LINGO2: variants seen among roughly 807,000 people sequenced by gnomAD.
LINGO2 encodes the protein leucine-rich repeat and immunoglobulin-like domain-containing nogo receptor-interacting protein 2.
In LINGO2, 14 loss-of-function variants were observed where a neutral mutation model predicts 30.6. That is an observed-to-expected ratio of 0.46 (90% CI 0.30 to 0.72). The LOEUF (loss-of-function observed/expected upper bound fraction) is 0.72, where lower values mean the gene tolerates loss of function less well. LINGO2 is among the 30% of genes least tolerant of loss of function. The probability of loss-of-function intolerance (pLI) is 0.07; values close to 1 mark genes in which losing one functional copy is unlikely to be tolerated. For synonymous variants in LINGO2, 317 were observed against 288.5 expected (o/e 1.10, Z -1.00); for missense variants, 729 against 751.7 (o/e 0.97, Z 0.35).
intron 4 of LINGO2, among the ~76,000 whole-genome samples, chr9:28,273,392 G>A (rs1289823696): frequency 6.6e-6 from 1 of 152,136 alleles, no homozygotes; most frequent in Non-Finnish European, 1.5e-5. Context: ...AAAATTTACT[G>A]ATACTTCAAA....
At chr9:28,758,105 T>G in the LINGO2 span, among the ~76,000 whole-genome samples, 1 of 152,034 alleles carries the variant, frequency 6.6e-6, no homozygotes, top group East Asian at 1.9e-4. Context: ...AGGAAAGGAC[T>G]GTTGTATAGT....
chr9:28,540,279 T>C (rs1306287644), intron 1 of LINGO2, among the ~76,000 whole-genome samples: 1 of 142,404 alleles, frequency 7.0e-6, no homozygotes, highest in African/African-American at 2.7e-5. Flanking sequence ...TCTCTCTCCC[T>C]CTCTCTCTCT....
chr9:28,901,526 T>TA, the LINGO2 span, among the ~76,000 whole-genome samples: 1 of 151,702 alleles, frequency 6.6e-6, no homozygotes, highest in Non-Finnish European at 1.5e-5. Flanking sequence ...GGATACAAAT[T>TA]AAAAAAAGAT....
At chr9:28,082,469 T>A (rs1192053832) in intron 4 of LINGO2, among the ~76,000 whole-genome samples, 1 of 152,208 alleles carries the variant, frequency 6.6e-6, no homozygotes, top group African/African-American at 2.4e-5. Context: ...ATACAATTTT[T>A]TTTTCATTTT....
the LINGO2 span, among the ~76,000 whole-genome samples, chr9:29,062,472 G>A: frequency 6.6e-6 from 1 of 152,182 alleles, no homozygotes; most frequent in Admixed American, 6.5e-5. Flanking sequence ...TAAACAAAAT[G>A]TGGTATACAT....
the LINGO2 span, among the ~76,000 whole-genome samples, chr9:29,139,028 C>T: frequency 1.3e-5 from 2 of 152,170 alleles, no homozygotes; most frequent in Non-Finnish European, 1.5e-5. Flanking sequence ...TGCTTGCACA[C>T]TCTTTTGCTC....
At position 28,492,598 on chromosome 9, in the gene LINGO2, T is replaced by A. The variant is rs554993899; in HGVS notation, c.-364-16573A>T. On this transcript the variant is annotated intron_variant, in intron 1 of 5. Coordinates refer to ENST00000379992, the Ensembl canonical transcript of LINGO2. Reference sequence around the variant, plus strand: ...AAATCATTCTGGGTCTTTTCCAAAGTTCTACTAAACTCCTGAAATACTAAC... The same window carrying A: ...AAATCATTCTGGGTCTTTTCCAAAGATCTACTAAACTCCTGAAATACTAAC... Among the ~76,000 whole-genome samples the A allele has an allele frequency of 6.2e-4, 94 of 152,234 alleles. 1 individual carries two copies. In the South Asian group the frequency reaches 0.02, roughly 32 times the overall value.
the LINGO2 span, among the ~76,000 whole-genome samples, chr9:28,678,520 A>G: frequency 1.3e-5 from 2 of 152,134 alleles, no homozygotes; most frequent in African/African-American, 2.4e-5. Flanking sequence ...AGACTTACTG[A>G]GTTTAAATCT....
chr9:29,132,204 G>A, the LINGO2 span, among the ~76,000 whole-genome samples: 5 of 151,950 alleles, frequency 3.3e-5, no homozygotes, highest in African/African-American at 9.7e-5. Context: ...AGGGTATCAC[G>A]TTCCTCGAGG....
the LINGO2 span, among the ~76,000 whole-genome samples, chr9:29,035,630 G>A: frequency 3.3e-5 from 5 of 150,768 alleles, no homozygotes; most frequent in African/African-American, 9.7e-5. Context: ...TACATCGGAA[G>A]AAGGAAACAA....
intron 5 of LINGO2, among the ~76,000 whole-genome samples, chr9:27,951,932 T>C (rs909930928): frequency 1.3e-5 from 2 of 152,018 alleles, no homozygotes; most frequent in African/African-American, 2.4e-5. Context: ...ACAAGTAGGA[T>C]CAAACTTAAT....
the LINGO2 span, among the ~76,000 whole-genome samples, chr9:28,730,081 TAAGAAAAAAAGAG>T: frequency 7.2e-5 from 11 of 151,964 alleles, no homozygotes; most frequent in African/African-American, 2.7e-4. Context: ...AATGTGAAGA[TAAGAAAAAAAGAG>T]ATTTTCAGAC....
Position 28,148,712 on chromosome 9 carries a change from C to G in LINGO2, c.-86-136307G>C. The stretch of plus-strand genomic sequence containing the variant: ...CAACGGCCATGGAGTCGCCAGTTCA[C>G]ACAGCCCTGCTGGAGGCATCCTTCC... On this transcript the variant is annotated intron_variant, in intron 4 of 5. Coordinates refer to ENST00000379992, the Ensembl canonical transcript of LINGO2. The surrounding 1 kb of genome is among the most constrained non-coding windows in gnomAD (Gnocchi z 5.1). 1 of 1,533,684 alleles carries G rather than the reference C, an allele frequency of 6.5e-7. No homozygotes were observed. The highest frequency in any genetic ancestry group is 1.2e-5 in the South Asian group (1 of 83,952).
chr9:28,515,985 C>T (rs1237430479), intron 1 of LINGO2, among the ~76,000 whole-genome samples: 2 of 152,156 alleles, frequency 1.3e-5, no homozygotes, highest in African/African-American at 4.8e-5. Context: ...CAGTCAGCGG[C>T]CATCAACATC....
chr9:28,327,940 T>C (rs551259567), intron 3 of LINGO2, among the ~76,000 whole-genome samples: 5 of 151,676 alleles, frequency 3.3e-5, no homozygotes, highest in Non-Finnish European at 7.4e-5. Context: ...AGAAAAAAAA[T>C]AAGAGTGGAA....
chr9:28,896,994 A>ATTAT, the LINGO2 span, among the ~76,000 whole-genome samples: 1 of 152,154 alleles, frequency 6.6e-6, no homozygotes, highest in Non-Finnish European at 1.5e-5. Context: ...GCAGCTTACA[A>ATTAT]TACAATTATT....
the LINGO2 span, among the ~76,000 whole-genome samples, chr9:28,811,170 A>G: frequency 6.6e-6 from 1 of 152,112 alleles, no homozygotes; most frequent in African/African-American, 2.4e-5. Context: ...CCAATAATAT[A>G]GAGTTTTTCT....
chr9:28,805,574 C>T, the LINGO2 span, among the ~76,000 whole-genome samples: 32 of 152,188 alleles, frequency 2.1e-4, no homozygotes, highest in Non-Finnish European at 5.9e-5. Context: ...TCCAATCCAT[C>T]TTGTGCTACT....
At chr9:28,884,431 T>A in the LINGO2 span, among the ~76,000 whole-genome samples, 4 of 152,144 alleles carry the variant, frequency 2.6e-5, no homozygotes, top group African/African-American at 9.7e-5. Context: ...CTGAGTTTTG[T>A]TAACAAATGG....
Sources: gnomAD v4.1 joint callset for allele counts (sites outside exome capture counted in the v4.1 genomes callset) on GRCh38, gnomAD v4.1.1 for gene constraint, Gnocchi (gnomAD v3.1) non-coding constraint, MANE v1.5 for transcripts, NCBI Gene and HGNC (gene_info 2026-07-23, HGNC 2026-07-21) for gene names.